GRM4: variants seen among roughly 807,000 people sequenced by gnomAD.
GRM4 encodes the protein metabotropic glutamate receptor 4.
In GRM4, 28 loss-of-function variants were observed where a neutral mutation model predicts 81.7. The observed-to-expected ratio is 0.34, with a 90% CI of 0.25 to 0.47. The LOEUF (loss-of-function observed/expected upper bound fraction) is 0.47. Among genes scored for constraint, GRM4 ranks in the 20% least tolerant of loss-of-function variants. GRM4 has a pLI of 1.00. For missense variants in GRM4, 948 were observed against 1,290.0 expected (o/e 0.73, Z 4.06); for synonymous variants, 488 against 528.8 (o/e 0.92, Z 1.06).
chr6:34,068,226 G>A lies in GRM4; in HGVS notation c.737-6198C>T, dbSNP rs1427040892. On this transcript the variant is annotated intron_variant, in intron 3 of 10. Coordinates refer to ENST00000538487, the MANE Select transcript of GRM4 (RefSeq NM_000841.4). The surrounding 1 kb of genome is among the most constrained non-coding windows in gnomAD (Gnocchi z 4.2). ...AACAGGGAGGCTTGGGCTGGGCCACGCAGCTGGAGAGGCAGAGGCTGGATC... is the reference window on the plus strand; with the variant it reads ...AACAGGGAGGCTTGGGCTGGGCCACACAGCTGGAGAGGCAGAGGCTGGATC... 2.0e-5 allele frequency among the ~76,000 whole-genome samples: 3 copies of A among 152,214 alleles called. No individual in the cohort carries two copies. The highest frequency in any genetic ancestry group is 7.2e-5 in the African/African-American group (3 of 41,448).
chr6:34,129,573 A>AC (rs1173981032), intron 2 of GRM4, among the ~76,000 whole-genome samples: 2 of 152,070 alleles, frequency 1.3e-5, no homozygotes. Context: ...GGGAGCAGGG[A>AC]AGTTAGGGAT....
At chr6:34,128,489 T>C (rs1770112454) in intron 2 of GRM4, among the ~76,000 whole-genome samples, 1 of 151,712 alleles carries the variant, frequency 6.6e-6, no homozygotes, top group African/African-American at 2.4e-5. Flanking sequence ...GCGATTCATC[T>C]GCCTCAGCCT....
chr6:34,067,100 T>C (rs1002077756), intron 3 of GRM4, among the ~76,000 whole-genome samples: 17 of 152,228 alleles, frequency 1.1e-4, no homozygotes, highest in African/African-American at 3.9e-4. Flanking sequence ...CCTCCGCTGG[T>C]GTGAGCTGGA....
rs1412367099 is a variant in GRM4 at position 34,132,554 on chromosome 6, T to C, written c.519+424A>G. Among the ~76,000 whole-genome samples the C allele has an allele frequency of 2.0e-5, 3 of 149,902 alleles. No homozygotes were observed. In the East Asian group the frequency reaches 5.8e-4, roughly 29 times the overall value. Reference sequence around the variant, plus strand: ...CCAGCATTCATATTTCCATTCTTCTTATCTGTCTGTCTGTCTGTCTATCCA... The same window carrying C: ...CCAGCATTCATATTTCCATTCTTCTCATCTGTCTGTCTGTCTGTCTATCCA... On this transcript the variant is annotated intron_variant, in intron 2 of 10. Coordinates refer to ENST00000538487, the MANE Select transcript of GRM4 (RefSeq NM_000841.4).
At position 34,128,382 on chromosome 6, in the gene GRM4, T is replaced by A. The variant is rs1336572896; in HGVS notation, c.519+4596A>T. Among the ~76,000 whole-genome samples the A allele has an allele frequency of 2.0e-5, 3 of 149,326 alleles. No homozygotes were observed. The East Asian group carries it at 5.8e-4, about 29-fold the overall frequency. On this transcript the variant is annotated intron_variant, in intron 2 of 10. Transcript: ENST00000538487. ...TTAACTCTTTTTTTTTTCTTTTCTT[T>A]TTTTTTTTTTTTTGAGACTGAGTTT...
At chr6:34,033,464 G>T (rs982084752) in intron 9 of GRM4, among the ~76,000 whole-genome samples, 26 of 152,256 alleles carry the variant, frequency 1.7e-4, no homozygotes, top group African/African-American at 5.3e-4. Context: ...GTGCCACCAA[G>T]GCAAGTCACT....
chr6:34,089,163 C>A lies in GRM4; in HGVS notation c.736+2720G>T, dbSNP rs1768063311. ...CACTCACCACACTTCCAACATGCAT[C>A]CCAGCCTGGCCAGCATGCCCTCCCC... On this transcript the variant is annotated intron_variant, in intron 3 of 10. Coordinates refer to ENST00000538487, the MANE Select transcript of GRM4 (RefSeq NM_000841.4). This position sits in a 1 kb window ranked among gnomAD's most constrained non-coding sequence, Gnocchi z 4.3. Among the ~76,000 whole-genome samples the A allele has an allele frequency of 6.6e-6, 1 of 152,196 alleles. No individual in the cohort carries two copies. Among genetic ancestry groups the A allele is most frequent in the South Asian group, 2.1e-4 (1 of 4,830 alleles).
In GRM4 at chr6:34,130,424, T is replaced by G. The variant is rs1721983241; in HGVS notation, c.519+2554A>C. On this transcript the variant is annotated intron_variant, in intron 2 of 10. Transcript: ENST00000538487. This position sits in a 1 kb window ranked among gnomAD's most constrained non-coding sequence, Gnocchi z 4.1. ...GCCCCAACCACTCCATCCTGTGTTC[T>G]GAGGAGGCACAGACCAAACTGAGAC... Among the ~76,000 whole-genome samples, 1 of 152,288 alleles carries G rather than the reference T, an allele frequency of 6.6e-6. No homozygotes were observed. Among genetic ancestry groups the G allele is most frequent in the South Asian group, 2.1e-4 (1 of 4,826 alleles).
Position 34,036,324 on chromosome 6 carries a change from C to T in GRM4, c.1786G>A (p.Val596Met), listed in dbSNP as rs202137326. ...AACAACGTGGCAGCGATGCCCACCACGGCCAGGAAGAGGGGCAGCACGGCC... is the reference window on the plus strand; with the variant it reads ...AACAACGTGGCAGCGATGCCCACCATGGCCAGGAAGAGGGGCAGCACGGCC... ...PWAVLPLFLA[V>M]VGIAATLFVV... The change falls in exon 9 of 11, where the codon GTG becomes ATG. Residue 596 changes from valine (V) to methionine (M), a missense_variant. Coordinates refer to ENST00000538487, the MANE Select transcript of GRM4 (RefSeq NM_000841.4). The surrounding 1 kb of genome is among the most constrained non-coding windows in gnomAD (Gnocchi z 9.0). 77 of 1,614,058 alleles carry T rather than the reference C, an allele frequency of 4.8e-5. No homozygotes were observed. Among genetic ancestry groups the T allele is most frequent in the East Asian group, 8.9e-5 (4 of 44,888 alleles).
chr6:34,085,976 C>T (rs982290622), intron 3 of GRM4, among the ~76,000 whole-genome samples: 3 of 152,126 alleles, frequency 2.0e-5, no homozygotes, highest in Admixed American at 1.3e-4. Context: ...GGCCCTGAGG[C>T]GAGCTGGTGC....
At chr6:34,075,942 C>T (rs944607007) in intron 3 of GRM4, among the ~76,000 whole-genome samples, 2 of 152,210 alleles carry the variant, frequency 1.3e-5, no homozygotes, top group Admixed American at 1.3e-4. Context: ...ACCCCAGATA[C>T]CCTGGGAATG....
At chr6:34,029,519 T>C (rs1265498107) in intron 9 of GRM4, among the ~76,000 whole-genome samples, 2 of 152,184 alleles carry the variant, frequency 1.3e-5, no homozygotes, top group African/African-American at 4.8e-5. Context: ...AGATGCCTCA[T>C]GACACTGGAT....
At chr6:34,098,587 G>A (rs541376844) in intron 2 of GRM4, among the ~76,000 whole-genome samples, 56 of 152,346 alleles carry the variant, frequency 3.7e-4, no homozygotes, top group African/African-American at 1.0e-3. Flanking sequence ...ACCCTGCACG[G>A]GGCCAGCACA....
In GRM4 at chr6:34,044,293, C is replaced by CACACACAT. The variant is rs1363558444; in HGVS notation, c.1169-3546_1169-3545insATGTGTGT. Among the ~76,000 whole-genome samples the CACACACAT allele has an allele frequency of 1.1e-4, 16 of 150,502 alleles. No individual in the cohort carries two copies. The East Asian group carries it at 2.4e-3, about 22-fold the overall frequency. On this transcript the variant is annotated intron_variant, in intron 6 of 10. Coordinates refer to ENST00000538487, the MANE Select transcript of GRM4 (RefSeq NM_000841.4). ...ATATACACATACACACACACATAGA[C>CACACACAT]ATACATACATACACATATATACACA...
At chr6:34,137,591 C>CTT (rs796255832) in intron 1 of GRM4, among the ~76,000 whole-genome samples, 1 of 133,658 alleles carries the variant, frequency 7.5e-6, no homozygotes. Flanking sequence ...CCTTTTTTTT[C>CTT]TTTTTTTTTT....
At chr6:34,154,703 G>C (rs1020644019) in intron 1 of GRM4, among the ~76,000 whole-genome samples, 29 of 152,200 alleles carry the variant, frequency 1.9e-4, no homozygotes, top group Non-Finnish European at 4.1e-4. Context: ...CAGACACGTG[G>C]GGGGGAGTCG....
At chr6:34,081,845 G>A (rs1022962679) in intron 3 of GRM4, among the ~76,000 whole-genome samples, 14 of 152,216 alleles carry the variant, frequency 9.2e-5, no homozygotes, top group Admixed American at 3.3e-4. Context: ...CAGAGTGGGG[G>A]ACTTGGAGTG....
rs1372995641 is a variant in GRM4 at position 34,040,740 on chromosome 6, G to A, written c.1177C>T (p.Arg393Ter). Residue 393 changes from arginine (R) to a stop codon, truncating the protein, a stop_gained, in exon 7 of 11, where the codon CGA (arginine) becomes TGA (stop). Coordinates refer to ENST00000538487, the MANE Select transcript of GRM4 (RefSeq NM_000841.4). LOFTEE classifies it high-confidence loss of function. ...SHVKKCTNRE[R>*]IGQDSAYEQE... Reference sequence around the variant, plus strand: ...TCATAAGCTGAATCCTGCCCAATTCGCTCACGGTCTGCAATGAAACACCAG... The same window carrying A: ...TCATAAGCTGAATCCTGCCCAATTCACTCACGGTCTGCAATGAAACACCAG... The A allele has an allele frequency of 1.2e-6, 2 of 1,612,746 alleles. No homozygotes were observed. Among genetic ancestry groups the A allele is most frequent in the African/African-American group, 1.3e-5 (1 of 74,902 alleles).
chr6:34,074,198 C>T lies in GRM4; in HGVS notation c.737-12170G>A, dbSNP rs1386250888. Among the ~76,000 whole-genome samples, 3 of 152,144 alleles carry T rather than the reference C, an allele frequency of 2.0e-5. No homozygotes were observed. Among genetic ancestry groups the T allele is most frequent in the African/African-American group, 7.2e-5 (3 of 41,434 alleles). On this transcript the variant is annotated intron_variant, in intron 3 of 10. Transcript: ENST00000538487. This position sits in a 1 kb window ranked among gnomAD's most constrained non-coding sequence, Gnocchi z 4.9. ...GATATGAGGAAGCGGAGTCTGGGCACAGACAGGGGCATGTCCCATCTCAAC... is the reference window on the plus strand; with the variant it reads ...GATATGAGGAAGCGGAGTCTGGGCATAGACAGGGGCATGTCCCATCTCAAC...
Sources: allele counts gnomAD v4.1 joint callset (sites outside exome capture counted in the v4.1 genomes callset), GRCh38; gene constraint gnomAD v4.1.1; non-coding constraint Gnocchi (gnomAD v3.1); transcripts MANE v1.5; gene names NCBI Gene and HGNC (gene_info 2026-07-23, HGNC 2026-07-21).